Variants in TESC observed in about 807,000 individuals in gnomAD.
TESC encodes calcineurin B homologous protein 3.
TESC carries 19 observed loss-of-function variants against 31.0 expected under a neutral mutation model. That is an observed-to-expected ratio of 0.61 (90% CI 0.43 to 0.90). TESC has a LOEUF of 0.90. Ranked by LOEUF, TESC falls within the 40% of genes least tolerant of loss-of-function variation. TESC has a pLI of 0.00. For synonymous variants in TESC, 109 were observed against 114.8 expected, an observed-to-expected ratio of 0.95 and a Z score of 0.32; for missense variants, 248 against 303.8, an observed-to-expected ratio of 0.82 and a Z score of 1.36.
intron 3 of TESC, among the ~76,000 whole-genome samples, chr12:117,055,394 C>T (rs545798989): frequency 3.3e-5 from 5 of 152,254 alleles, no homozygotes; most frequent in South Asian, 4.1e-4. Context: ...CTGCCGGCCT[C>T]GGCCTCCCAA....
Position 117,058,565 on chromosome 12 carries a change from TAAAAAAA to T in TESC, c.129-1686_129-1680del, listed in dbSNP as rs10637829. Among the ~76,000 whole-genome samples, 435 of 113,326 alleles carry T rather than the reference TAAAAAAA, an allele frequency of 3.8e-3. 2 individuals are homozygous for T. Among genetic ancestry groups the T allele is most frequent in the African/African-American group, 0.012 (369 of 30,804 alleles). 74.3% of individuals were successfully genotyped at this position (113,326 alleles called of 152,430 possible). ...GTAAATTACATTTCAGTAAAGCTGT[TAAAAAAA>T]AAAAAAAAAAAAGCCAGCCAGGTGT... On this transcript the variant is annotated intron_variant, in intron 2 of 7. Coordinates refer to ENST00000335209, the MANE Select transcript of TESC (RefSeq NM_017899.4).
intron 2 of TESC, among the ~76,000 whole-genome samples, chr12:117,063,111 A>G (rs940692767): frequency 2.0e-5 from 3 of 152,190 alleles, no homozygotes; most frequent in African/African-American, 7.2e-5. Flanking sequence ...TCACCCCCAC[A>G]TAATCATGAG....
At chr12:117,064,521 C>T (rs957078548) in intron 2 of TESC, among the ~76,000 whole-genome samples, 3 of 152,290 alleles carry the variant, frequency 2.0e-5, no homozygotes, top group Non-Finnish European at 2.9e-5. Context: ...AGCAACTCAG[C>T]GACAAGCATT....
chr12:117,087,781 T>G (rs961814613), intron 1 of TESC, among the ~76,000 whole-genome samples: 1 of 152,146 alleles, frequency 6.6e-6, no homozygotes, highest in African/African-American at 2.4e-5. Context: ...AGGTGGAGGT[T>G]GCAGTGAGCC....
chr12:117,071,092 C>A (rs1257613208), intron 2 of TESC, among the ~76,000 whole-genome samples: 1 of 152,242 alleles, frequency 6.6e-6, no homozygotes, highest in Admixed American at 6.5e-5. Flanking sequence ...TGAATTCTTT[C>A]ACCTGGATTA....
intron 2 of TESC, among the ~76,000 whole-genome samples, chr12:117,069,257 T>G (rs929110435): frequency 6.6e-6 from 1 of 152,178 alleles, no homozygotes; most frequent in Non-Finnish European, 1.5e-5. Context: ...AAATTTTTTT[T>G]GAGACAGAAT....
Position 117,075,259 on chromosome 12 carries a change from T to C in TESC, c.128+12A>G, listed in dbSNP as rs1325163691. 1.2e-6 allele frequency: 2 copies of C among 1,612,486 alleles called. No homozygotes were observed. Among genetic ancestry groups the C allele is most frequent in the Non-Finnish European group, 1.7e-6 (2 of 1,179,800 alleles). On this transcript the variant is annotated intron_variant, in intron 2 of 7. Transcript: ENST00000335209. ...GGCCCCACCCAGCACCCAAACCCGCTGCCAATCTTACCGAATGGTAGGCTG... is the reference window on the plus strand; with the variant it reads ...GGCCCCACCCAGCACCCAAACCCGCCGCCAATCTTACCGAATGGTAGGCTG...
At chr12:117,054,279 C>T (rs1032706947) in intron 3 of TESC, among the ~76,000 whole-genome samples, 2 of 152,044 alleles carry the variant, frequency 1.3e-5, no homozygotes, top group South Asian at 2.1e-4. Context: ...GCAGTCACAG[C>T]ACCCTCTGCA....
intron 1 of TESC, among the ~76,000 whole-genome samples, chr12:117,096,083 G>T (rs1294191884): frequency 3.9e-5 from 6 of 152,128 alleles, no homozygotes; most frequent in African/African-American, 1.2e-4. Context: ...GAGAGCACCA[G>T]CGTGGAGCCT....
chr12:117,099,315 C>T lies in TESC; in HGVS notation c.-33G>A. ...GCGGCGGGGGCCCCGGGGCGCGCGT[C>T]CCTCTCAGGCCCCGCACTGGCTTCG... is the stretch of plus-strand genomic sequence containing the variant. On this transcript the variant is annotated 5_prime_UTR_variant, in exon 1 of 8. Transcript: ENST00000335209. The T allele has an allele frequency of 1.4e-6, 2 of 1,413,920 alleles. No individual in the cohort carries two copies. The highest frequency in any genetic ancestry group is 2.9e-5 in the South Asian group (2 of 69,180). The allele number at this position is 1,413,920 out of a possible 1,614,324, so 87.6% of individuals were successfully genotyped here.
intron 6 of TESC, 124 bp from the exon 7 acceptor site, chr12:117,042,118 G>A: frequency 2.1e-6 from 2 of 974,524 alleles, no homozygotes; most frequent in East Asian, 2.8e-5. Context: ...AGGCTGTTTG[G>A]GAGGAATCAC....
At chr12:117,049,241 C>T (rs574767106) in intron 3 of TESC, 83 bp from the exon 4 acceptor site, 79 of 1,580,938 alleles carry the variant, frequency 5.0e-5, no homozygotes, top group African/African-American at 1.7e-4. Flanking sequence ...CCGAGAACTC[C>T]GCTCTCAGGG....
chr12:117,085,970 G>A (rs1955214309), intron 1 of TESC, among the ~76,000 whole-genome samples: 1 of 152,162 alleles, frequency 6.6e-6, no homozygotes, highest in South Asian at 2.1e-4. Context: ...CAGGTGATGA[G>A]ATGTTATAAA....
chr12:117,039,909 T>C (rs1048282686), intron 7 of TESC, among the ~76,000 whole-genome samples: 1 of 152,182 alleles, frequency 6.6e-6, no homozygotes, highest in African/African-American at 2.4e-5. Flanking sequence ...ACCCCAGTGC[T>C]CCCAAGGCTA....
intron 1 of TESC, among the ~76,000 whole-genome samples, chr12:117,093,757 G>C (rs1041721768): frequency 1.3e-5 from 2 of 151,956 alleles, no homozygotes; most frequent in Non-Finnish European, 2.9e-5. Context: ...TTACCATCAT[G>C]AGGTCTGAAC....
At chr12:117,073,457 T>C (rs780767338) in intron 2 of TESC, among the ~76,000 whole-genome samples, 2 of 152,200 alleles carry the variant, frequency 1.3e-5, no homozygotes. Context: ...ACAAGAATCA[T>C]GAGACCGTCA....
intron 1 of TESC, among the ~76,000 whole-genome samples, chr12:117,092,250 C>T (rs565890264): frequency 3.6e-4 from 55 of 152,266 alleles, no homozygotes; most frequent in African/African-American, 1.3e-3. Flanking sequence ...GACATCTGAG[C>T]GAAGTGGCAC....
intron 3 of TESC, among the ~76,000 whole-genome samples, chr12:117,055,649 G>A (rs902221876): frequency 1.3e-5 from 2 of 152,186 alleles, no homozygotes; most frequent in African/African-American, 4.8e-5. Flanking sequence ...ATGTCCCATC[G>A]GTTCATTCAG....
intron 1 of TESC, among the ~76,000 whole-genome samples, chr12:117,086,268 ATT>A (rs113210754): frequency 3.4e-5 from 5 of 148,062 alleles, no homozygotes; most frequent in Admixed American, 6.8e-5. Context: ...ATACACTTTA[ATT>A]TTTTTTTTTT....
Sources: gnomAD v4.1 joint callset for allele counts (sites outside exome capture counted in the v4.1 genomes callset) on GRCh38, gnomAD v4.1.1 for gene constraint, MANE v1.5 for transcripts, NCBI Gene and HGNC (gene_info 2026-07-23, HGNC 2026-07-21) for gene names.